The following DBF4B variants were observed in gnomAD, a reference collection of about 807,000 sequenced individuals.
DBF4B encodes protein DBF4 homolog B.
A neutral mutation model predicts 53.4 loss-of-function variants in DBF4B; 49 were observed. That is an observed-to-expected ratio of 0.92 (90% CI 0.73 to 1.16). The LOEUF (loss-of-function observed/expected upper bound fraction) is 1.16, where lower values mean the gene tolerates loss of function less well. DBF4B is among the 50% of genes most tolerant of loss of function. DBF4B has a pLI of 0.00. For missense variants in DBF4B, 692 were observed against 775.0 expected (o/e 0.89, Z 1.27); for synonymous variants, 257 against 288.7 (o/e 0.89, Z 1.11).
intron 3 of DBF4B, among the ~76,000 whole-genome samples, chr17:44,728,586 A>G (rs957110838): frequency 2.0e-5 from 3 of 152,150 alleles, no homozygotes; most frequent in Admixed American, 2.0e-4. Flanking sequence ...TGGGAGTCCA[A>G]GGCGGGCAGA....
intron 2 of DBF4B, 68 bp downstream of exon 2, chr17:44,709,434 A>C: frequency 6.5e-7 from 1 of 1,529,666 alleles, no homozygotes; most frequent in Middle Eastern, 1.7e-4. Flanking sequence ...AGAAGACCGA[A>C]AAATGTTCCC....
intron 2 of DBF4B, among the ~76,000 whole-genome samples, chr17:44,717,243 T>C (rs1973407668): frequency 6.6e-6 from 1 of 152,224 alleles, no homozygotes. Context: ...CTCAACCTAA[T>C]TTACCAGCTC....
At position 44,752,195 on chromosome 17, in the gene DBF4B, G is replaced by C. The variant is rs905900542; in HGVS notation, c.*942G>C. 3 of 567,506 alleles carry C rather than the reference G, an allele frequency of 5.3e-6. No individual in the cohort carries two copies. In the Admixed American group the frequency reaches 9.0e-5, roughly 17 times the overall value. 35.2% of individuals were successfully genotyped at this position (567,506 alleles called of 1,614,324 possible). ...TTATTACTCGGGCCTCAGTTTCCTCGTCTTTAAGTAAGGGGCTTGGATGAG... is the reference window on the plus strand; with the variant it reads ...TTATTACTCGGGCCTCAGTTTCCTCCTCTTTAAGTAAGGGGCTTGGATGAG... On this transcript the variant is annotated 3_prime_UTR_variant, in exon 14 of 14. Coordinates refer to ENST00000315005, the MANE Select transcript of DBF4B (RefSeq NM_145663.3).
At chr17:44,718,422 C>CAA (rs910495325) in intron 2 of DBF4B, among the ~76,000 whole-genome samples, 9 of 102,184 alleles carry the variant, frequency 8.8e-5, no homozygotes, top group Admixed American at 2.0e-4. Context: ...GACTCTATCT[C>CAA]AAAAAAAAAA....
At chr17:44,743,861 G>A (rs544457565) in intron 10 of DBF4B, among the ~76,000 whole-genome samples, 5 of 151,748 alleles carry the variant, frequency 3.3e-5, no homozygotes, top group Admixed American at 3.3e-4. Flanking sequence ...ACCCACCTCA[G>A]CCTCCCAAAA....
chr17:44,734,738 G>C (rs1262549700), intron 7 of DBF4B, among the ~76,000 whole-genome samples: 1 of 152,200 alleles, frequency 6.6e-6, no homozygotes, highest in Non-Finnish European at 1.5e-5. Flanking sequence ...TGGCATCCAG[G>C]CACAGGACGA....
rs2049264620 is a variant in DBF4B at position 44,750,884 on chromosome 17, ACTC to A, written c.1483_1485del (p.Leu495del). The stretch of plus-strand genomic sequence containing the variant: ...CGGCGGACATTCCTGTTAAGGGCCC[ACTC>A]CTCTTCCCTGAAGCCAGACCGTGGC... On this transcript the variant is annotated inframe_deletion, in exon 14 of 14. Transcript: ENST00000315005. 6.2e-7 allele frequency: 1 copy of A among 1,613,300 alleles called. No homozygotes were observed. Among genetic ancestry groups the A allele is most frequent in the Non-Finnish European group, 8.5e-7 (1 of 1,179,818 alleles).
intron 2 of DBF4B, 99 bp downstream of exon 2, chr17:44,709,465 C>T (rs886748655): frequency 1.1e-5 from 14 of 1,293,632 alleles, no homozygotes; most frequent in African/African-American, 1.5e-5. Context: ...TTTTCGATCA[C>T]TCAGTGTTTT....
At chr17:44,709,176 G>A (rs1174510117) in intron 1 of DBF4B, 128 bp from the exon 2 acceptor site, 1 of 1,203,938 alleles carries the variant, frequency 8.3e-7, no homozygotes, top group Non-Finnish European at 1.2e-6. Context: ...AGGTCGGAAT[G>A]GAGTTGAGTC....
chr17:44,712,092 C>T (rs185164650), intron 2 of DBF4B, among the ~76,000 whole-genome samples: 1 of 146,686 alleles, frequency 6.8e-6, no homozygotes, highest in Non-Finnish European at 1.5e-5. Flanking sequence ...AATGAAACTC[C>T]ATCTCAAAAA....
chr17:44,714,463 T>C (rs1973158171), intron 2 of DBF4B, among the ~76,000 whole-genome samples: 2 of 152,164 alleles, frequency 1.3e-5, no homozygotes, highest in South Asian at 4.1e-4. Context: ...ACAGTCTCTG[T>C]ATGTTTTTTG....
At chr17:44,739,570 C>T (rs930481713) in intron 9 of DBF4B, among the ~76,000 whole-genome samples, 4 of 152,180 alleles carry the variant, frequency 2.6e-5, no homozygotes, top group Non-Finnish European at 4.4e-5. Flanking sequence ...GGATGGATTG[C>T]GTGTTCATCC....
chr17:44,713,256 T>G (rs1035468228), intron 2 of DBF4B, among the ~76,000 whole-genome samples: 2 of 150,232 alleles, frequency 1.3e-5, no homozygotes, highest in African/African-American at 4.9e-5. Context: ...TTAGCCTGTA[T>G]GGTCTTCATC....
chr17:44,734,086 A>G lies in DBF4B; in HGVS notation c.557-4A>G, dbSNP rs753753060. ...TTGGCACAAACCCTCTGTCTTCTCC[A>G]CAGAAATGATGATGCACGTGCAACA... On this transcript the variant is annotated splice_polypyrimidine_tract_variant and splice_region_variant and intron_variant, in intron 6 of 13. Transcript: ENST00000315005. 6.8e-6 allele frequency: 11 copies of G among 1,613,234 alleles called. No homozygotes were observed. In the Admixed American group the frequency reaches 1.8e-4, roughly 27 times the overall value.
At position 44,747,076 on chromosome 17, in the gene DBF4B, T is replaced by TC. The variant is rs775239888; in HGVS notation, c.831-3dup. 2.4e-5 allele frequency: 38 copies of TC among 1,613,410 alleles called. 3 individuals carry two copies. In the South Asian group the frequency reaches 3.5e-4, roughly 15 times the overall value. On this transcript the variant is annotated splice_region_variant and splice_polypyrimidine_tract_variant and intron_variant, in intron 10 of 13. Transcript: ENST00000315005. Reference sequence around the variant, plus strand: ...AACCACTTTGCCGCACTATGTACCCTCCCCAGAGAATCCAAGGATGGAGAG... The same window carrying TC: ...AACCACTTTGCCGCACTATGTACCCTCCCCCAGAGAATCCAAGGATGGAGAG...
intron 10 of DBF4B, among the ~76,000 whole-genome samples, chr17:44,743,422 G>A (rs923552939): frequency 6.6e-6 from 1 of 152,222 alleles, no homozygotes; most frequent in East Asian, 1.9e-4. Context: ...ATGGTTTAAT[G>A]TGAAAAGTCT....
intron 3 of DBF4B, among the ~76,000 whole-genome samples, chr17:44,724,625 C>T (rs192962254): frequency 5.3e-5 from 8 of 152,244 alleles, no homozygotes; most frequent in African/African-American, 1.9e-4. Context: ...GTGATCCTCC[C>T]GCCTTGGCCT....
intron 2 of DBF4B, among the ~76,000 whole-genome samples, chr17:44,710,063 C>T (rs1305512777): frequency 1.3e-5 from 2 of 151,892 alleles, no homozygotes; most frequent in African/African-American, 4.8e-5. Context: ...GTCCCAGCTA[C>T]TCAGGAGGCT....
chr17:44,726,997 G>A (rs1037400310), intron 3 of DBF4B, among the ~76,000 whole-genome samples: 1 of 151,112 alleles, frequency 6.6e-6, no homozygotes, highest in African/African-American at 2.4e-5. Context: ...TACTCGGGAG[G>A]CTGAGGCAGG....
Sources: gnomAD v4.1 joint callset for allele counts (sites outside exome capture counted in the v4.1 genomes callset) on GRCh38, gnomAD v4.1.1 for gene constraint, MANE v1.5 for transcripts, NCBI Gene and HGNC (gene_info 2026-07-23, HGNC 2026-07-21) for gene names.